MAP3K5: variants seen among roughly 807,000 people sequenced by gnomAD.
MAP3K5 encodes ASK-1.
Under a neutral mutation model 158.7 loss-of-function variants are expected in MAP3K5, and 56 were observed. That is an observed-to-expected ratio of 0.35 (90% CI 0.28 to 0.44). The LOEUF (loss-of-function observed/expected upper bound fraction) is 0.44, where lower values mean the gene tolerates loss of function less well. Among genes scored for constraint, MAP3K5 ranks in the 20% least tolerant of loss-of-function variants. The pLI, the probability that MAP3K5 is intolerant of heterozygous loss-of-function variation, is 1.00. For synonymous variants in MAP3K5, 579 were observed against 601.7 expected (o/e 0.96, Z 0.55); for missense variants, 1,294 against 1,674.8 (o/e 0.77, Z 3.97).
intron 1 of MAP3K5, among the ~76,000 whole-genome samples, chr6:136,737,037 G>GTGTATATATA (rs759947051): frequency 8.7e-5 from 11 of 126,970 alleles, no homozygotes; most frequent in African/African-American, 3.8e-4. Context: ...ATATGTGTGT[G>GTGTATATATA]TATATATATA....
At chr6:136,665,849 A>G (rs1779208678) in intron 8 of MAP3K5, among the ~76,000 whole-genome samples, 1 of 152,034 alleles carries the variant, frequency 6.6e-6, no homozygotes, top group South Asian at 2.1e-4. Context: ...ATGGATTTTT[A>G]TGTACAGTAA....
chr6:136,638,557 A>T (rs1184433578), intron 13 of MAP3K5, among the ~76,000 whole-genome samples: 5 of 152,174 alleles, frequency 3.3e-5, no homozygotes, highest in Admixed American at 3.3e-4. Flanking sequence ...ACACTTCATA[A>T]ATTTTAGCTA....
chr6:136,631,644 C>T lies in MAP3K5; in HGVS notation c.2016+5681G>A, dbSNP rs562655470. Among the ~76,000 whole-genome samples the T allele has an allele frequency of 2.0e-5, 3 of 152,046 alleles. No homozygotes were observed. In the East Asian group the frequency reaches 5.8e-4, roughly 29 times the overall value. On this transcript the variant is annotated intron_variant, in intron 14 of 29. Transcript: ENST00000359015. ...GAGGTCCATATGGATTGGAGGCCTTCTCCCATCCATATCTCTCTCCTCCCA... is the reference window on the plus strand; with the variant it reads ...GAGGTCCATATGGATTGGAGGCCTTTTCCCATCCATATCTCTCTCCTCCCA...
At chr6:136,711,152 T>C (rs952454453) in intron 2 of MAP3K5, among the ~76,000 whole-genome samples, 8 of 151,794 alleles carry the variant, frequency 5.3e-5, no homozygotes, top group African/African-American at 1.9e-4. Flanking sequence ...ATGTTATGCC[T>C]ACATAAAAGC....
At chr6:136,653,488 T>G (rs1216075575) in intron 10 of MAP3K5, among the ~76,000 whole-genome samples, 2 of 152,216 alleles carry the variant, frequency 1.3e-5, no homozygotes, top group African/African-American at 4.8e-5. Flanking sequence ...GAAGATGCTA[T>G]GCTAAGGACA....
At chr6:136,668,340 C>T (rs1482981939) in intron 8 of MAP3K5, among the ~76,000 whole-genome samples, 1 of 152,178 alleles carries the variant, frequency 6.6e-6, no homozygotes. Context: ...GCTATGATCG[C>T]ACCACTGCAC....
At chr6:136,606,903 A>T (rs1011890623) in intron 18 of MAP3K5, among the ~76,000 whole-genome samples, 1 of 152,238 alleles carries the variant, frequency 6.6e-6, no homozygotes, top group Non-Finnish European at 1.5e-5. Flanking sequence ...TATTGTTTAC[A>T]AAAATAAAAG....
chr6:136,637,414 A>G lies in MAP3K5; in HGVS notation c.1935-8T>C. Reference sequence around the variant, plus strand: ...TTCACCATCTCAAAAAACCTACAATACAAGTTAGCACGTGAGCATTCATAA... The same window carrying G: ...TTCACCATCTCAAAAAACCTACAATGCAAGTTAGCACGTGAGCATTCATAA... On this transcript the variant is annotated splice_polypyrimidine_tract_variant and splice_region_variant and intron_variant, in intron 13 of 29. Transcript: ENST00000359015. 1.4e-6 allele frequency: 2 copies of G among 1,479,406 alleles called. No homozygotes were observed. The highest frequency in any genetic ancestry group is 1.9e-6 in the Non-Finnish European group (2 of 1,057,064). The allele number at this position is 1,479,406 out of a possible 1,614,324, so 91.6% of individuals were successfully genotyped here.
At chr6:136,733,201 TG>T (rs1782301474) in intron 1 of MAP3K5, among the ~76,000 whole-genome samples, 1 of 152,202 alleles carries the variant, frequency 6.6e-6, no homozygotes, top group African/African-American at 2.4e-5. Context: ...TGTCTCACTA[TG>T]TTTCAGGCTG....
intron 2 of MAP3K5, among the ~76,000 whole-genome samples, chr6:136,716,739 T>C (rs778971786): frequency 6.6e-6 from 1 of 152,240 alleles, no homozygotes; most frequent in Non-Finnish European, 1.5e-5. Context: ...GCATTTCTTA[T>C]TTTAAACCAA....
Position 136,792,437 on chromosome 6 carries a change from G to A in MAP3K5, c.-280C>T, listed in dbSNP as rs1200154130. On this transcript the variant is annotated 5_prime_UTR_variant, in exon 1 of 30. Transcript: ENST00000359015. The surrounding 1 kb of genome is among the most constrained non-coding windows in gnomAD (Gnocchi z 5.7). The stretch of plus-strand genomic sequence containing the variant: ...GTGGGGAAGCCGGGTGAGCGGGAAG[G>A]GACGGAGCTTCCTTTTCTTGGCCGG... 1 of 942,748 alleles carries A rather than the reference G, an allele frequency of 1.1e-6. No homozygotes were observed. The highest frequency in any genetic ancestry group is 1.2e-4 in the East Asian group (1 of 8,668). The allele number at this position is 942,748 out of a possible 1,614,324, so 58.4% of individuals were successfully genotyped here.
intron 8 of MAP3K5, among the ~76,000 whole-genome samples, chr6:136,663,000 A>G (rs1779072227): frequency 6.6e-6 from 1 of 152,174 alleles, no homozygotes; most frequent in Non-Finnish European, 1.5e-5. Flanking sequence ...TAGTCTTATC[A>G]CCTTGCAGCT....
chr6:136,624,605 C>G (rs1776951112), intron 14 of MAP3K5, among the ~76,000 whole-genome samples: 1 of 152,078 alleles, frequency 6.6e-6, no homozygotes, highest in Non-Finnish European at 1.5e-5. Flanking sequence ...AGACCATGAT[C>G]TCTGAGCACA....
At chr6:136,601,224 T>G (rs940133824) in intron 20 of MAP3K5, among the ~76,000 whole-genome samples, 182 bp from the exon 21 acceptor site, 3 of 152,080 alleles carry the variant, frequency 2.0e-5, no homozygotes, top group Non-Finnish European at 4.4e-5. Flanking sequence ...CTTTACTTTT[T>G]TTTCTGAGTT....
At chr6:136,792,817 C>A (rs986386885), upstream of MAP3K5, among the ~76,000 whole-genome samples, 6 of 152,206 alleles carry the variant, frequency 3.9e-5, no homozygotes, top group Non-Finnish European at 8.8e-5. The surrounding 1 kb of genome is among the most constrained non-coding windows in gnomAD (Gnocchi z 5.7). Context: ...GCGCCAGCCT[C>A]GTCGTTCCTT....
intron 7 of MAP3K5, among the ~76,000 whole-genome samples, chr6:136,673,920 A>C (rs187463586): frequency 4.5e-4 from 68 of 152,210 alleles, no homozygotes; most frequent in Non-Finnish European, 7.8e-4. Flanking sequence ...AGCTCAGCAA[A>C]ACTCAAGCAG....
intron 25 of MAP3K5, among the ~76,000 whole-genome samples, chr6:136,579,561 G>A (rs964265254): frequency 6.6e-6 from 1 of 152,166 alleles, no homozygotes; most frequent in Non-Finnish European, 1.5e-5. Context: ...GTGGATACAT[G>A]TTATTATATA....
At chr6:136,639,891 T>C (rs1418997473) in intron 12 of MAP3K5, among the ~76,000 whole-genome samples, 1 of 152,204 alleles carries the variant, frequency 6.6e-6, no homozygotes, top group African/African-American at 2.4e-5. Context: ...ACACGTAAAC[T>C]ACACATCCTT....
rs547503112 is a variant in MAP3K5 at position 136,613,298 on chromosome 6, T to C, written c.2279-42A>G. On this transcript the variant is annotated intron_variant, in intron 16 of 29. Transcript: ENST00000359015. The surrounding 1 kb of genome is among the most constrained non-coding windows in gnomAD (Gnocchi z 4.0). ...AATAGTAAATAAATCCTCATTCAAA[T>C]GAGCTCTTTAAAGTGTATTAATAAT... is the stretch of plus-strand genomic sequence containing the variant. The C allele has an allele frequency of 1.6e-5, 25 of 1,570,668 alleles. No individual in the cohort carries two copies. The East Asian group carries it at 5.6e-4, about 35-fold the overall frequency.
Sources: allele counts gnomAD v4.1 joint callset (sites outside exome capture counted in the v4.1 genomes callset), GRCh38; gene constraint gnomAD v4.1.1; non-coding constraint Gnocchi (gnomAD v3.1); transcripts MANE v1.5; gene names NCBI Gene and HGNC (gene_info 2026-07-23, HGNC 2026-07-21).